SOX5: variants seen among roughly 807,000 people sequenced by gnomAD.
SOX5 encodes the protein SRY-box transcription factor 5, also known as transcription factor SOX-5.
Under a neutral mutation model 92.0 loss-of-function variants are expected in SOX5, and 9 were observed. The observed-to-expected ratio is 0.10, with a 90% CI of 0.06 to 0.17. The LOEUF is 0.17. SOX5 is among the 10% of genes least tolerant of loss of function. The pLI is 1.00. For missense variants in SOX5, 642 were observed against 944.5 expected (o/e 0.68, Z 4.20); for synonymous variants, 344 against 336.3 (o/e 1.02, Z -0.25).
chr12:24,211,601 G>A (rs2139676001), intron 4 of SOX5, among the ~76,000 whole-genome samples: 1 of 152,282 alleles, frequency 6.6e-6, no homozygotes, highest in Admixed American at 6.5e-5. Flanking sequence ...AAATATGATG[G>A]TATTTTTATG....
intron 3 of SOX5, among the ~76,000 whole-genome samples, chr12:24,236,052 C>T (rs922446058): frequency 2.0e-5 from 3 of 151,840 alleles, no homozygotes; most frequent in East Asian, 3.9e-4. Context: ...ATTAGCCGGG[C>T]GTGGTGGCGG....
At chr12:24,226,227 C>T (rs1487963984) in intron 3 of SOX5, among the ~76,000 whole-genome samples, 1 of 152,090 alleles carries the variant, frequency 6.6e-6, no homozygotes, top group Non-Finnish European at 1.5e-5. Flanking sequence ...CTTCCATCCC[C>T]ATCCCTTTTA....
intron 4 of SOX5, among the ~76,000 whole-genome samples, chr12:24,036,659 T>C (rs1956073256): frequency 6.6e-6 from 1 of 152,146 alleles, no homozygotes; most frequent in South Asian, 2.1e-4. Flanking sequence ...GATGCTGCTA[T>C]GACAAATCAG....
chr12:24,225,820 C>T (rs1177179971), intron 3 of SOX5, among the ~76,000 whole-genome samples: 1 of 152,154 alleles, frequency 6.6e-6, no homozygotes, highest in Admixed American at 6.5e-5. Flanking sequence ...ATCACTGACT[C>T]AAATTATAAT....
At position 24,114,573 on chromosome 12, in the gene SOX5, C is replaced by CAAAAAAAAAAAA. The variant is rs55913110; in HGVS notation, c.-2+98758_-2+98769dup. On this transcript the variant is annotated intron_variant, in intron 4 of 4. Coordinates refer to the SOX5 transcript ENST00000446891. ...CCTGGTGACAGGGCACACCCCGTCA[C>CAAAAAAAAAAAA]AAAAAAAAAAAAAAAAAAAAAAAAA... Among the ~76,000 whole-genome samples the CAAAAAAAAAAAA allele has an allele frequency of 1.7e-4, 7 of 40,592 alleles. 1 individual carries two copies. Among genetic ancestry groups the CAAAAAAAAAAAA allele is most frequent in the Admixed American group, 4.4e-4 (1 of 2,264 alleles). The allele number at this position is 40,592 out of a possible 152,430, so 26.6% of individuals were successfully genotyped here. A position where few individuals can be genotyped will look rare whatever the true frequency, so the allele number is the denominator to read the frequency against.
chr12:24,034,570 AT>A (rs34793688), intron 4 of SOX5, among the ~76,000 whole-genome samples: 53,439 of 144,026 alleles, frequency 0.37, 10,054 homozygotes, highest in Middle Eastern at 0.44. Context: ...GCTCGGGAGG[AT>A]TTTTTTTTTT....
At chr12:24,089,646 C>T (rs1000439986) in intron 4 of SOX5, among the ~76,000 whole-genome samples, 1 of 151,978 alleles carries the variant, frequency 6.6e-6, no homozygotes, top group Non-Finnish European at 1.5e-5. Flanking sequence ...AGGTGATAAC[C>T]AAACAGCATA....
chr12:24,338,765 G>C (rs1422439639), intron 2 of SOX5, among the ~76,000 whole-genome samples: 1 of 152,106 alleles, frequency 6.6e-6, no homozygotes, highest in Non-Finnish European at 1.5e-5. Context: ...GTTTTATAAA[G>C]GGCAGTTCCC....
intron 4 of SOX5, among the ~76,000 whole-genome samples, chr12:24,076,887 CTT>C (rs200688538): frequency 0.038 from 5,734 of 152,070 alleles, 134 homozygotes; most frequent in Admixed American, 0.057. Context: ...TATATACTGA[CTT>C]TTCAAATGTG....
intron 6 of SOX5, among the ~76,000 whole-genome samples, chr12:23,696,788 T>C (rs2089940990): frequency 6.6e-6 from 1 of 152,190 alleles, no homozygotes; most frequent in Non-Finnish European, 1.5e-5. Flanking sequence ...ATATGTTACG[T>C]TGTCAATTTT....
chr12:24,345,906 G>A (rs1953170518), intron 2 of SOX5, among the ~76,000 whole-genome samples: 1 of 152,124 alleles, frequency 6.6e-6, no homozygotes, highest in South Asian at 2.1e-4. Flanking sequence ...CACTTATTCT[G>A]TTGCTCTCTA....
At chr12:24,243,458 C>A (rs1937900725) in intron 3 of SOX5, among the ~76,000 whole-genome samples, 1 of 152,102 alleles carries the variant, frequency 6.6e-6, no homozygotes, top group Non-Finnish European at 1.5e-5. Flanking sequence ...GTAGAAAGCT[C>A]AATAGCAGCT....
intron 4 of SOX5, among the ~76,000 whole-genome samples, chr12:23,978,076 CAT>C (rs1569361334): frequency 6.6e-6 from 1 of 152,158 alleles, no homozygotes; most frequent in Non-Finnish European, 1.5e-5. Flanking sequence ...CGTATCATGA[CAT>C]GTGATTCATA....
intron 1 of SOX5, among the ~76,000 whole-genome samples, chr12:24,394,148 A>T (rs576376859): frequency 3.3e-5 from 5 of 152,278 alleles, no homozygotes; most frequent in Admixed American, 2.0e-4. Context: ...CAACAAGGGA[A>T]GCCTGCATTT....
chr12:23,840,067 T>C (rs539498778), intron 3 of SOX5, among the ~76,000 whole-genome samples: 8 of 151,548 alleles, frequency 5.3e-5, no homozygotes, highest in Admixed American at 1.3e-4. Context: ...GATGACATGA[T>C]TGTCTACGTA....
chr12:23,558,986 A>G (rs959115109), intron 11 of SOX5, among the ~76,000 whole-genome samples: 2 of 152,246 alleles, frequency 1.3e-5, no homozygotes, highest in Non-Finnish European at 2.9e-5. Context: ...CAGTAAAGGC[A>G]CAGTCTTCCC....
intron 2 of SOX5, among the ~76,000 whole-genome samples, chr12:24,362,029 T>G (rs1366863442): frequency 6.6e-6 from 1 of 152,264 alleles, no homozygotes; most frequent in African/African-American, 2.4e-5. Flanking sequence ...TTGGCTTTAC[T>G]GCTTCTGTGT....
intron 4 of SOX5, among the ~76,000 whole-genome samples, chr12:23,965,454 G>A (rs900644121): frequency 6.6e-6 from 1 of 152,082 alleles, no homozygotes; most frequent in Admixed American, 6.5e-5. Context: ...GAAGACCAGA[G>A]GTAAAGTTCT....
intron 3 of SOX5, among the ~76,000 whole-genome samples, chr12:23,832,173 T>C (rs1022876257): frequency 4.6e-5 from 7 of 151,972 alleles, no homozygotes; most frequent in African/African-American, 1.7e-4. Context: ...ACAAATCCAA[T>C]GTTAAAACTG....
Sources: allele counts gnomAD v4.1 joint callset (sites outside exome capture counted in the v4.1 genomes callset), GRCh38; gene constraint gnomAD v4.1.1; transcripts MANE v1.5; gene names NCBI Gene and HGNC (gene_info 2026-07-23, HGNC 2026-07-21).